Variants in WDFY4 observed in about 807,000 individuals in gnomAD.
WDFY4 encodes WD repeat- and FYVE domain-containing protein 4.
A neutral mutation model predicts 351.9 loss-of-function variants in WDFY4; 169 were observed. That is an observed-to-expected ratio of 0.48 (90% confidence interval 0.42 to 0.55). The LOEUF (loss-of-function observed/expected upper bound fraction) is 0.55, where lower values mean the gene tolerates loss of function less well. Ranked by LOEUF, WDFY4 falls within the 20% of genes least tolerant of loss-of-function variation. The probability of loss-of-function intolerance (pLI) is 0.00; values close to 1 mark genes in which losing one functional copy is unlikely to be tolerated. For synonymous variants in WDFY4, 1,622 were observed against 1,574.6 expected (o/e 1.03, Z -0.71); for missense variants, 3,803 against 3,935.6 (o/e 0.97, Z 0.90).
intron 1 of WDFY4, among the ~76,000 whole-genome samples, chr10:48,695,877 C>G (rs994034583): frequency 6.6e-6 from 1 of 152,102 alleles, no homozygotes; most frequent in Non-Finnish European, 1.5e-5. Context: ...ACAGAACCAG[C>G]CCCTTCCACA....
At chr10:48,827,076 C>T (rs1389297908) in intron 36 of WDFY4, among the ~76,000 whole-genome samples, 167 bp downstream of exon 36, 1 of 152,148 alleles carries the variant, frequency 6.6e-6, no homozygotes, top group Non-Finnish European at 1.5e-5. Context: ...AAGTAATCCC[C>T]AAACTTGTCC....
intron 5 of WDFY4, among the ~76,000 whole-genome samples, chr10:48,725,198 GA>G (rs2064225762): frequency 6.6e-6 from 1 of 152,244 alleles, no homozygotes; most frequent in Non-Finnish European, 1.5e-5. Flanking sequence ...TATCAGACTA[GA>G]AGGGGAAAAT....
At chr10:48,916,952 T>A (rs1838603500) in intron 47 of WDFY4, among the ~76,000 whole-genome samples, 1 of 151,744 alleles carries the variant, frequency 6.6e-6, no homozygotes, top group African/African-American at 2.4e-5. Flanking sequence ...CAATGACAGA[T>A]TGCATATATG....
chr10:48,722,425 T>C lies in WDFY4; in HGVS notation c.457-1008T>C, dbSNP rs563667399. On this transcript the variant is annotated intron_variant, in intron 4 of 61. Transcript: ENST00000325239. ...GACAGGGAGAGCTGCCCTGAGGAGG[T>C]CAAGGTTAACAAGGAGTCAAATACA... 3.3e-5 allele frequency among the ~76,000 whole-genome samples: 5 copies of C among 152,104 alleles called. No homozygotes were observed. In the East Asian group the frequency reaches 9.7e-4, roughly 29 times the overall value.
At position 48,822,713 on chromosome 10, in the gene WDFY4, G is replaced by A. The variant is rs530062775; in HGVS notation, c.5982+176G>A. ...ATACCTGGAGGCTACTGCATGTCCA[G>A]CAGGGCTCTCACCTCAGGCCCCCTG... On this transcript the variant is annotated intron_variant, in intron 35 of 61. Transcript: ENST00000325239. Among the ~76,000 whole-genome samples the A allele has an allele frequency of 3.9e-5, 6 of 152,306 alleles. No homozygotes were observed. The South Asian group carries it at 1.2e-3, about 32-fold the overall frequency.
At chr10:48,721,233 A>G in intron 3 of WDFY4, 28 bp from the exon 4 acceptor site, 1 of 1,544,924 alleles carries the variant, frequency 6.5e-7, no homozygotes, top group Non-Finnish European at 8.8e-7. Flanking sequence ...AGGTCGCTGT[A>G]TGCCCTGCTG....
At chr10:48,879,618 A>G (rs2070166945) in intron 43 of WDFY4, among the ~76,000 whole-genome samples, 2 of 152,218 alleles carry the variant, frequency 1.3e-5, no homozygotes, top group Admixed American at 6.5e-5. Context: ...AGAGCCTCAG[A>G]TGGCTGCAGC....
At chr10:48,960,897 A>T (rs1461940667) in intron 53 of WDFY4, among the ~76,000 whole-genome samples, 1 of 152,222 alleles carries the variant, frequency 6.6e-6, no homozygotes, top group African/African-American at 2.4e-5. Context: ...GGGACAGAAA[A>T]CAAATTAGTG....
Position 48,794,026 on chromosome 10 carries a change from G to T in WDFY4, c.4258-2272G>T, listed in dbSNP as rs571438400. On this transcript the variant is annotated intron_variant, in intron 23 of 61. Coordinates refer to ENST00000325239, the MANE Select transcript of WDFY4 (RefSeq NM_001394531.1). ...TAAAACACTTCCAGGAGCTGGTCTGGGTTCCTCCACACGGCTAGGAGGAGA... is the reference window on the plus strand; with the variant it reads ...TAAAACACTTCCAGGAGCTGGTCTGTGTTCCTCCACACGGCTAGGAGGAGA... 3.9e-5 allele frequency among the ~76,000 whole-genome samples: 6 copies of T among 152,300 alleles called. No individual in the cohort carries two copies. The East Asian group carries it at 1.2e-3, about 29-fold the overall frequency.
intron 47 of WDFY4, among the ~76,000 whole-genome samples, chr10:48,924,000 G>A (rs1419041735): frequency 6.6e-6 from 1 of 152,222 alleles, no homozygotes; most frequent in Non-Finnish European, 1.5e-5. Flanking sequence ...GAATGGTGAT[G>A]AGGAAGCAGC....
At chr10:48,758,450 G>A (rs1224139675) in intron 12 of WDFY4, among the ~76,000 whole-genome samples, 1 of 152,126 alleles carries the variant, frequency 6.6e-6, no homozygotes, top group Non-Finnish European at 1.5e-5. Context: ...TTAAGGTTAT[G>A]TATTTCACCA....
intron 40 of WDFY4, among the ~76,000 whole-genome samples, chr10:48,870,263 G>A (rs1472493787): frequency 6.6e-6 from 1 of 152,204 alleles, no homozygotes; most frequent in African/African-American, 2.4e-5. Flanking sequence ...CTGGTCAAGT[G>A]TGGTGGCTCA....
chr10:48,729,351 CTGTCTCCT>C, intron 7 of WDFY4, 73 bp from the exon 8 acceptor site: 1 of 1,510,108 alleles, frequency 6.6e-7, no homozygotes, highest in Admixed American at 2.1e-5. Context: ...CCCATTGGCT[CTGTCTCCT>C]TGAGAGCACC....
At chr10:48,806,152 G>C in intron 27 of WDFY4, 57 bp downstream of exon 27, 1 of 1,507,636 alleles carries the variant, frequency 6.6e-7, no homozygotes, top group African/African-American at 1.4e-5. Context: ...GAACCCCTGA[G>C]AGGCCCACAT....
intron 58 of WDFY4, 143 bp downstream of exon 58, chr10:48,975,184 T>A: frequency 9.1e-7 from 1 of 1,094,766 alleles, no homozygotes; most frequent in Non-Finnish European, 1.3e-6. Flanking sequence ...ACAGTCGCTG[T>A]AGATCTCACT....
chr10:48,768,723 AAGAGAGAG>A (rs71026224), intron 13 of WDFY4, among the ~76,000 whole-genome samples: 131 of 140,970 alleles, frequency 9.3e-4, no homozygotes, highest in African/African-American at 1.7e-3. Context: ...GGGAGAGGAG[AAGAGAGAG>A]AGAGAGAGAG....
chr10:48,715,914 G>A (rs1189857804), intron 2 of WDFY4, among the ~76,000 whole-genome samples: 1 of 151,426 alleles, frequency 6.6e-6, no homozygotes, highest in Non-Finnish European at 1.5e-5. Flanking sequence ...CTCCCAAAGT[G>A]CTGGGTTTAC....
At position 48,913,350 on chromosome 10, in the gene WDFY4, C is replaced by T. The variant is rs546775111; in HGVS notation, c.7586+11487C>T. The stretch of plus-strand genomic sequence containing the variant: ...GGTAGCCCACTGCCCTCTTCCCTCC[C>T]TCTCTCTTTCCCTTCTGCCTCAGGG... On this transcript the variant is annotated intron_variant, in intron 47 of 61. Transcript: ENST00000325239. 5.7e-6 allele frequency: 9 copies of T among 1,578,868 alleles called. No individual in the cohort carries two copies. In the African/African-American group the frequency reaches 1.1e-4, roughly 19 times the overall value.
intron 20 of WDFY4, among the ~76,000 whole-genome samples, chr10:48,787,912 C>CTTTCT (rs1565198769): frequency 8.8e-5 from 4 of 45,202 alleles, no homozygotes; most frequent in Admixed American, 2.3e-4. Flanking sequence ...TCTTCTTCTT[C>CTTTCT]TTCTTCTTCT....
Sources: allele counts gnomAD v4.1 joint callset (sites outside exome capture counted in the v4.1 genomes callset), GRCh38; gene constraint gnomAD v4.1.1; transcripts MANE v1.5; gene names NCBI Gene and HGNC (gene_info 2026-07-23, HGNC 2026-07-21).